LRCH3: variants seen among roughly 807,000 people sequenced by gnomAD.
LRCH3 encodes the protein leucine rich repeats and calponin homology domain containing 3, also known as DISP complex protein LRCH3.
Under a neutral mutation model 104.5 loss-of-function variants are expected in LRCH3, and 68 were observed. The observed-to-expected ratio is 0.65, with a 90% confidence interval of 0.54 to 0.80. LRCH3 has a LOEUF of 0.80. Ranked by LOEUF, LRCH3 falls within the 30% of genes least tolerant of loss-of-function variation. LRCH3 has a pLI of 0.00. For synonymous variants in LRCH3, 344 were observed against 361.3 expected, an observed-to-expected ratio of 0.95 and a Z score of 0.54; for missense variants, 951 against 953.9, an observed-to-expected ratio of 1.00 and a Z score of 0.04.
At chr3:197,813,908 G>A (rs1417033817) in intron 1 of LRCH3, among the ~76,000 whole-genome samples, 1 of 152,004 alleles carries the variant, frequency 6.6e-6, no homozygotes, top group African/African-American at 2.4e-5. Flanking sequence ...TAATTCATAG[G>A]GGTTTTAAAA....
intron 1 of LRCH3, among the ~76,000 whole-genome samples, chr3:197,793,711 A>G (rs1580505194): frequency 6.6e-6 from 1 of 152,328 alleles, no homozygotes; most frequent in East Asian, 1.9e-4. Context: ...TGTTGCCTAC[A>G]CTTTAATAGT....
At position 197,880,463 on chromosome 3, in the gene LRCH3, C is replaced by G. The variant is rs1713653404; in HGVS notation, c.2209-3078C>G. On this transcript the variant is annotated intron_variant, in intron 20 of 20. Coordinates refer to ENST00000425562, the MANE Select transcript of LRCH3 (RefSeq NM_001365715.1). The stretch of plus-strand genomic sequence containing the variant: ...CTATACTCAAATCTGCATTTCTGAT[C>G]CACTGACTTTGTTTTTCTGTTTTCC... 3 of 1,357,792 alleles carry G rather than the reference C, an allele frequency of 2.2e-6. No homozygotes were observed. The African/African-American group carries it at 4.3e-5, about 20-fold the overall frequency. 84.1% of individuals were successfully genotyped at this position (1,357,792 alleles called of 1,614,324 possible).
chr3:197,803,086 T>C (rs1732077019), intron 1 of LRCH3, among the ~76,000 whole-genome samples: 2 of 152,182 alleles, frequency 1.3e-5, no homozygotes, highest in Admixed American at 1.3e-4. Context: ...TTCTAGGTAT[T>C]TGGGAACTTT....
intron 10 of LRCH3, among the ~76,000 whole-genome samples, chr3:197,843,710 G>A (rs1053303684): frequency 6.6e-6 from 1 of 152,118 alleles, no homozygotes; most frequent in African/African-American, 2.4e-5. Flanking sequence ...GCCTTATAGA[G>A]ATAAAAGTCT....
intron 20 of LRCH3, chr3:197,881,742 G>A: frequency 1.0e-6 from 1 of 985,382 alleles, no homozygotes; most frequent in African/African-American, 1.7e-5. Flanking sequence ...TCTGAACTCT[G>A]TTAACAAAAT....
chr3:197,844,699 C>G (rs1560572208), intron 10 of LRCH3, among the ~76,000 whole-genome samples: 2 of 152,108 alleles, frequency 1.3e-5, no homozygotes, highest in Non-Finnish European at 2.9e-5. Context: ...CTCACTGCAA[C>G]CTCCACCTCC....
Position 197,888,235 on chromosome 3 carries a change from G to C in LRCH3, c.*4569G>C, listed in dbSNP as rs746556168. The C allele has an allele frequency of 1.3e-5, 2 of 152,146 alleles. No homozygotes were observed. The highest frequency in any genetic ancestry group is 4.8e-5 in the African/African-American group (2 of 41,438). 9.4% of individuals were successfully genotyped at this position (152,146 alleles called of 1,614,324 possible). On this transcript the variant is annotated 3_prime_UTR_variant, in exon 21 of 21. Coordinates refer to ENST00000425562, the MANE Select transcript of LRCH3 (RefSeq NM_001365715.1). ...GTTGAGATGGTTTACAGCAAATTTC[G>C]TTTTATTTCTGAAAATGTTGTAAAC...
At position 197,880,108 on chromosome 3, in the gene LRCH3, G is replaced by A. The variant is rs112484753; in HGVS notation, c.2209-3433G>A. On this transcript the variant is annotated intron_variant, in intron 20 of 20. Coordinates refer to ENST00000425562, the MANE Select transcript of LRCH3 (RefSeq NM_001365715.1). Reference sequence around the variant, plus strand: ...CTACAGGCGCCCGCCACCACGCCCGGCTAATTTTTTGTATTTTTAGTAAAG... The same window carrying A: ...CTACAGGCGCCCGCCACCACGCCCGACTAATTTTTTGTATTTTTAGTAAAG... 9.6e-3 allele frequency among the ~76,000 whole-genome samples: 1,455 copies of A among 151,096 alleles called. 26 individuals carry two copies. The highest frequency in any genetic ancestry group is 0.034 in the African/African-American group (1,376 of 40,808).
chr3:197,808,652 C>G (rs961794581), intron 1 of LRCH3, among the ~76,000 whole-genome samples: 8 of 152,168 alleles, frequency 5.3e-5, no homozygotes, highest in African/African-American at 1.9e-4. Flanking sequence ...TGGCTCATGC[C>G]TGTAATTGAA....
At chr3:197,850,669 T>C in intron 12 of LRCH3, 1 of 1,527,648 alleles carries the variant, frequency 6.5e-7, no homozygotes, top group Non-Finnish European at 9.1e-7. Context: ...TCTGCATTTT[T>C]AAGCACGTGC....
chr3:197,827,050 G>C (rs370413852), intron 5 of LRCH3, 36 bp downstream of exon 5: 4 of 1,607,438 alleles, frequency 2.5e-6, no homozygotes, highest in Non-Finnish European at 1.7e-6. Context: ...AAACCATGGT[G>C]GAAGCATCAG....
At chr3:197,814,852 T>A (rs1733624422) in intron 1 of LRCH3, 56 bp from the exon 2 acceptor site, 3 of 1,416,062 alleles carry the variant, frequency 2.1e-6, no homozygotes, top group Non-Finnish European at 2.9e-6. Context: ...ATCAAAAGAT[T>A]TCAATAAAAT....
At chr3:197,846,138 C>T (rs908624843) in intron 10 of LRCH3, among the ~76,000 whole-genome samples, 2 of 152,024 alleles carry the variant, frequency 1.3e-5, no homozygotes. Context: ...CGTGGTGGCC[C>T]ACACCCGTAA....
chr3:197,835,634 GGT>G (rs372783553), intron 8 of LRCH3, 38 bp from the exon 9 acceptor site: 7,489 of 1,185,340 alleles, frequency 6.3e-3, no homozygotes, highest in South Asian at 0.022. Context: ...GTTTTTTTCT[GGT>G]GTGTGTGTGT....
At chr3:197,872,273 C>T (rs181923864) in intron 19 of LRCH3, among the ~76,000 whole-genome samples, 216 of 149,916 alleles carry the variant, frequency 1.4e-3, no homozygotes, top group African/African-American at 5.1e-3. Flanking sequence ...GGGAGGATCA[C>T]TTGAGCCCAG....
chr3:197,866,581 A>G (rs1285539683), intron 17 of LRCH3, among the ~76,000 whole-genome samples: 1 of 152,184 alleles, frequency 6.6e-6, no homozygotes, highest in Non-Finnish European at 1.5e-5. Flanking sequence ...TTTAAGTCTC[A>G]TGTTCTTTTA....
chr3:197,835,059 G>T (rs542523936), intron 8 of LRCH3, among the ~76,000 whole-genome samples: 1 of 152,106 alleles, frequency 6.6e-6, no homozygotes, highest in Non-Finnish European at 1.5e-5. Context: ...CAGGAGAATC[G>T]CTTGAACGTG....
intron 1 of LRCH3, among the ~76,000 whole-genome samples, chr3:197,797,875 AAAAAAAAC>A (rs1459565539): frequency 0.14 from 2,867 of 19,820 alleles, 86 homozygotes; most frequent in African/African-American, 0.2. Flanking sequence ...AAAAAAAAAC[AAAAAAAAC>A]AAAAAAAAAA....
intron 20 of LRCH3, among the ~76,000 whole-genome samples, chr3:197,877,791 A>G (rs961551615): frequency 1.3e-5 from 2 of 151,914 alleles, no homozygotes; most frequent in Admixed American, 6.6e-5. Flanking sequence ...ACTGAATTAT[A>G]CAAGAATGGA....
Sources: allele counts gnomAD v4.1 joint callset (sites outside exome capture counted in the v4.1 genomes callset), GRCh38; gene constraint gnomAD v4.1.1; transcripts MANE v1.5; gene names NCBI Gene and HGNC (gene_info 2026-07-23, HGNC 2026-07-21).